NT5C2: variants seen among roughly 807,000 people sequenced by gnomAD.
NT5C2 encodes cytosolic purine 5'-nucleotidase.
NT5C2 carries 58 observed loss-of-function variants against 76.1 expected under a neutral mutation model. That is an observed-to-expected ratio of 0.76 (90% CI 0.62 to 0.95). The LOEUF (loss-of-function observed/expected upper bound fraction) is 0.95. Among genes scored for constraint, NT5C2 ranks in the 40% least tolerant of loss-of-function variants. The pLI is 0.00. For synonymous variants in NT5C2, 229 were observed against 237.4 expected (o/e 0.96, Z 0.32); for missense variants, 478 against 690.3 (o/e 0.69, Z 3.45).
chr10:103,153,337 C>T (rs2082723926), intron 3 of NT5C2: 1 of 1,277,766 alleles, frequency 7.8e-7, no homozygotes, highest in African/African-American at 1.5e-5. Flanking sequence ...GATGAGAATA[C>T]AGGATCAACA....
In NT5C2 at chr10:103,132,929, G is replaced by A. The variant is rs116995912; in HGVS notation, c.175+6477C>T. 1.4e-4 allele frequency among the ~76,000 whole-genome samples: 21 copies of A among 152,254 alleles called. No individual in the cohort carries two copies. The East Asian group carries it at 3.3e-3, about 24-fold the overall frequency. On this transcript the variant is annotated intron_variant, in intron 4 of 18. Transcript: ENST00000404739. ...ACTACTTACTGGTAGACACAACAAT[G>A]TGAATGAATCATAAAAACATGCTGA...
chr10:103,149,051 T>A (rs1591483922), intron 3 of NT5C2, among the ~76,000 whole-genome samples: 1 of 152,254 alleles, frequency 6.6e-6, no homozygotes, highest in East Asian at 1.9e-4. Flanking sequence ...TTGTACTGCG[T>A]CCAGGGAGGG....
intron 4 of NT5C2, among the ~76,000 whole-genome samples, chr10:103,123,376 T>C (rs1199959335): frequency 6.6e-6 from 1 of 152,142 alleles, no homozygotes; most frequent in Non-Finnish European, 1.5e-5. Flanking sequence ...TGGTTTGCTG[T>C]ACCACACCCT....
intron 3 of NT5C2, among the ~76,000 whole-genome samples, chr10:103,150,354 CA>C (rs1252834190): frequency 2.6e-5 from 4 of 152,154 alleles, no homozygotes; most frequent in Admixed American, 2.6e-4. Context: ...CATGTTGCTG[CA>C]TATATGATTA....
chr10:103,109,581 C>T (rs1257929395), intron 4 of NT5C2, among the ~76,000 whole-genome samples: 1 of 152,164 alleles, frequency 6.6e-6, no homozygotes, highest in Non-Finnish European at 1.5e-5. Flanking sequence ...TTTATTCTTA[C>T]AGGATTTGGT....
At chr10:103,153,705 G>T in intron 3 of NT5C2, 2 of 985,358 alleles carry the variant, frequency 2.0e-6, no homozygotes, top group Non-Finnish European at 2.4e-6. Context: ...GAGTTTCACA[G>T]AATCAAGCAG....
intron 4 of NT5C2, chr10:103,125,280 G>T: frequency 1.6e-6 from 1 of 619,382 alleles, no homozygotes; most frequent in Non-Finnish European, 2.9e-6. Context: ...ATGGAACCAT[G>T]CTTCATTGTC....
At chr10:103,113,181 G>A (rs183209293) in intron 4 of NT5C2, among the ~76,000 whole-genome samples, 95 of 152,166 alleles carry the variant, frequency 6.2e-4, no homozygotes, top group African/African-American at 2.3e-3. Context: ...CAAATAACTA[G>A]ATGTGTAAAT....
chr10:103,134,288 G>T (rs918884545), intron 4 of NT5C2, among the ~76,000 whole-genome samples: 4 of 152,162 alleles, frequency 2.6e-5, no homozygotes, highest in African/African-American at 9.6e-5. Flanking sequence ...AGAGGAAAAA[G>T]TGGTTTCATG....
chr10:103,133,564 AC>A (rs1296240988), intron 4 of NT5C2, among the ~76,000 whole-genome samples: 1 of 152,064 alleles, frequency 6.6e-6, no homozygotes, highest in Non-Finnish European at 1.5e-5. Context: ...CCTGGCCTAA[AC>A]CTCTTTCTTT....
intron 16 of NT5C2, 91 bp from the exon 17 acceptor site, chr10:103,091,087 T>C: frequency 1.0e-5 from 12 of 1,151,022 alleles, no homozygotes; most frequent in Non-Finnish European, 1.4e-5. Context: ...CAGGCTGGAG[T>C]GCAGGGGTGT....
chr10:103,104,411 A>G (rs2070642978), intron 6 of NT5C2, among the ~76,000 whole-genome samples: 1 of 152,224 alleles, frequency 6.6e-6, no homozygotes, highest in Non-Finnish European at 1.5e-5. Context: ...CTTTTTAGAC[A>G]TAATAGAACC....
intron 3 of NT5C2, among the ~76,000 whole-genome samples, chr10:103,156,503 C>T (rs928167150): frequency 1.3e-5 from 2 of 152,184 alleles, no homozygotes; most frequent in Admixed American, 6.5e-5. Flanking sequence ...GCCTGTAATC[C>T]CAGCACTTTG....
chr10:103,094,520 C>T, intron 12 of NT5C2, 65 bp from the exon 13 acceptor site: 2 of 818,686 alleles, frequency 2.4e-6, no homozygotes, highest in Admixed American at 1.9e-5. Flanking sequence ...ACTATTTAAT[C>T]TCACTCAGAT....
chr10:103,172,964 A>C lies in NT5C2; in HGVS notation c.101+1894T>G, dbSNP rs982998338. ...TGGAGATTACAGTGAGCCGAGATCA[A>C]GCCACTGGACTTCAGCCTTGGCAAC... On this transcript the variant is annotated intron_variant, in intron 3 of 18. Transcript: ENST00000404739. Among the ~76,000 whole-genome samples the C allele has an allele frequency of 3.7e-4, 57 of 152,276 alleles. 1 individual carries two copies. The highest frequency in any genetic ancestry group is 1.3e-3 in the African/African-American group (55 of 41,562).
chr10:103,174,066 A>G (rs2089115686), intron 3 of NT5C2, among the ~76,000 whole-genome samples: 1 of 150,190 alleles, frequency 6.7e-6, no homozygotes, highest in Admixed American at 6.7e-5. Flanking sequence ...ACTGCATTCC[A>G]GCCTAGGCGA....
intron 3 of NT5C2, among the ~76,000 whole-genome samples, chr10:103,172,432 A>G (rs1396420975): frequency 6.6e-6 from 1 of 151,406 alleles, no homozygotes; most frequent in Non-Finnish European, 1.5e-5. Flanking sequence ...TATTTTTAGT[A>G]GAGACGAGGT....
chr10:103,171,637 A>G (rs2088036396), intron 3 of NT5C2, among the ~76,000 whole-genome samples: 1 of 152,230 alleles, frequency 6.6e-6, no homozygotes, highest in East Asian at 1.9e-4. Context: ...TTAGGTGTAG[A>G]TTTCTAATTT....
chr10:103,187,959 A>C (rs1272249986), intron 1 of NT5C2, among the ~76,000 whole-genome samples: 1 of 152,264 alleles, frequency 6.6e-6, no homozygotes, highest in African/African-American at 2.4e-5. Context: ...AAATCAGAGC[A>C]TAACAAAAGC....
Sources: allele counts gnomAD v4.1 joint callset (sites outside exome capture counted in the v4.1 genomes callset), GRCh38; gene constraint gnomAD v4.1.1; transcripts MANE v1.5; gene names NCBI Gene and HGNC (gene_info 2026-07-23, HGNC 2026-07-21).